Variants in ZFC3H1 observed in about 807,000 individuals in gnomAD.
ZFC3H1 encodes zinc finger C3H1-type containing.
Under a neutral mutation model 243.7 loss-of-function variants are expected in ZFC3H1, and 71 were observed. That is an observed-to-expected ratio of 0.29 (90% CI 0.24 to 0.36). The LOEUF is 0.36. ZFC3H1 is among the 10% of genes least tolerant of loss of function. The probability of loss-of-function intolerance (pLI) is 1.00; values close to 1 mark genes in which losing one functional copy is unlikely to be tolerated. For synonymous variants in ZFC3H1, 838 were observed against 813.0 expected (o/e 1.03, Z -0.52); for missense variants, 1,966 against 2,317.1 (o/e 0.85, Z 3.11).
chr12:71,621,770 T>C (rs890717919), intron 24 of ZFC3H1, among the ~76,000 whole-genome samples: 5 of 152,100 alleles, frequency 3.3e-5, no homozygotes, highest in African/African-American at 1.2e-4. Context: ...AATCTTTGTT[T>C]ACTCCTCCTC....
intron 21 of ZFC3H1, among the ~76,000 whole-genome samples, 178 bp from the exon 22 acceptor site, chr12:71,626,624 TTC>T (rs1206393443): frequency 1.3e-5 from 2 of 152,220 alleles, no homozygotes; most frequent in Non-Finnish European, 2.9e-5. Context: ...GCCTAAAAGT[TTC>T]TGATTTTCCA....
chr12:71,645,341 G>A (rs931619247), intron 3 of ZFC3H1, among the ~76,000 whole-genome samples: 2 of 152,100 alleles, frequency 1.3e-5, no homozygotes, highest in Non-Finnish European at 2.9e-5. Flanking sequence ...GATAGAACAC[G>A]ATAATGCAAA....
intron 2 of ZFC3H1, among the ~76,000 whole-genome samples, chr12:71,652,799 C>G (rs1179454092): frequency 6.6e-6 from 1 of 152,014 alleles, no homozygotes; most frequent in Admixed American, 6.6e-5. Flanking sequence ...ATGTGCAACC[C>G]AAAATAATCA....
chr12:71,632,058 G>T lies in ZFC3H1; in HGVS notation c.3274C>A (p.Gln1092Lys). The T allele has an allele frequency of 6.2e-7, 1 of 1,608,920 alleles. No individual in the cohort carries two copies. Among genetic ancestry groups the T allele is most frequent in the Non-Finnish European group, 8.5e-7 (1 of 1,178,652 alleles). Reference protein sequence around the residue: ...LFLGLKIGELQKLYSKADSLK... With the variant: ...LFLGLKIGELKKLYSKADSLK... ...CTGTCAGCTTTTGAATACAATTTTT[G>T]CAATTCACCAATTTTTAACCCTAGA... Residue 1092 changes from glutamine to lysine, a missense_variant, in exon 15 of 35, where the codon CAA becomes AAA. Transcript: ENST00000378743.
At chr12:71,655,720 G>GA (rs1880999653) in intron 2 of ZFC3H1, among the ~76,000 whole-genome samples, 1 of 151,988 alleles carries the variant, frequency 6.6e-6, no homozygotes, top group Non-Finnish European at 1.5e-5. Context: ...AAGTATCTCA[G>GA]AATGTTTCCA....
chr12:71,659,956 A>C (rs1168559816), intron 1 of ZFC3H1, among the ~76,000 whole-genome samples: 1 of 152,352 alleles, frequency 6.6e-6, no homozygotes, highest in East Asian at 1.9e-4. Flanking sequence ...GTACTGACAA[A>C]GTGTCTATCA....
At chr12:71,632,618 A>C (rs925360479) in intron 14 of ZFC3H1, 104 bp from the exon 15 acceptor site, 1 of 1,357,604 alleles carries the variant, frequency 7.4e-7, no homozygotes, top group South Asian at 1.5e-5. Context: ...CAACATTATA[A>C]AACTAAATCA....
chr12:71,633,466 T>C, intron 12 of ZFC3H1, 28 bp from the exon 13 acceptor site: 2 of 1,510,388 alleles, frequency 1.3e-6, no homozygotes, highest in South Asian at 1.3e-5. Flanking sequence ...AAATTCTTGT[T>C]AATGTTTCCC....
At chr12:71,643,632 G>C (rs2137547503) in intron 5 of ZFC3H1, among the ~76,000 whole-genome samples, 1 of 152,156 alleles carries the variant, frequency 6.6e-6, no homozygotes, top group African/African-American at 2.4e-5. Context: ...TATATACATA[G>C]TAAATGTTCA....
intron 26 of ZFC3H1, 78 bp downstream of exon 26, chr12:71,619,848 G>T: frequency 7.3e-7 from 1 of 1,360,568 alleles, no homozygotes; most frequent in Non-Finnish European, 1.0e-6. Flanking sequence ...AAAGGACCAG[G>T]AAACACTTCC....
At chr12:71,642,306 T>C in intron 6 of ZFC3H1, 130 bp downstream of exon 6, 3 of 989,246 alleles carry the variant, frequency 3.0e-6, no homozygotes, top group Non-Finnish European at 2.8e-6. Flanking sequence ...ACAAATAATG[T>C]CTATCGCCAT....
chr12:71,641,019 G>GA (rs1489986916), intron 6 of ZFC3H1, among the ~76,000 whole-genome samples: 1 of 151,528 alleles, frequency 6.6e-6, no homozygotes, highest in Non-Finnish European at 1.5e-5. Context: ...ATCTTGAATG[G>GA]AAAAAAATAC....
intron 1 of ZFC3H1, among the ~76,000 whole-genome samples, chr12:71,662,277 C>A (rs532765108): frequency 6.6e-6 from 1 of 152,314 alleles, no homozygotes; most frequent in African/African-American, 2.4e-5. Context: ...TCTCCACCCT[C>A]GCATACACAT....
chr12:71,627,672 G>T (rs1315017749), intron 21 of ZFC3H1, 79 bp downstream of exon 21: 2 of 1,372,626 alleles, frequency 1.5e-6, no homozygotes, highest in Non-Finnish European at 2.0e-6. Flanking sequence ...AAACCTGACT[G>T]ATTACCATAG....
rs1462083280 is a variant in ZFC3H1, at chr12:71,619,276, T to C, written c.5144+39A>G. 2.5e-6 allele frequency: 4 copies of C among 1,575,968 alleles called. No homozygotes were observed. In the South Asian group the frequency reaches 3.4e-5, roughly 13 times the overall value. ...GTAATCTTTCTACTGAACTGTGCTC[T>C]CTCTCATTCCTCTACAAACTAAGAA... On this transcript the variant is annotated intron_variant, in intron 27 of 34. Coordinates refer to ENST00000378743, the MANE Select transcript of ZFC3H1 (RefSeq NM_144982.5).
Position 71,663,695 on chromosome 12 carries a change from G to C in ZFC3H1, c.-85C>G. On this transcript the variant is annotated 5_prime_UTR_variant, in exon 1 of 35. Transcript: ENST00000378743. ...TGCCTCGTTTCCCTTCTTTCCTAACGGACTGGGTCGGTGCGGTCTTACCCT... is the reference window on the plus strand; with the variant it reads ...TGCCTCGTTTCCCTTCTTTCCTAACCGACTGGGTCGGTGCGGTCTTACCCT... 6.7e-7 allele frequency: 1 copy of C among 1,482,128 alleles called. No homozygotes were observed. The highest frequency in any genetic ancestry group is 9.1e-7 in the Non-Finnish European group (1 of 1,095,646). The allele number at this position is 1,482,128 out of a possible 1,614,324, so 91.8% of individuals were successfully genotyped here. A position where few individuals can be genotyped will look rare whatever the true frequency, so the allele number is the denominator to read the frequency against.
intron 6 of ZFC3H1, among the ~76,000 whole-genome samples, chr12:71,640,210 C>T (rs547093300): frequency 9.2e-5 from 14 of 152,214 alleles, no homozygotes; most frequent in South Asian, 2.1e-4. Context: ...TTAGTAGAGG[C>T]GAGGTTTCAC....
In ZFC3H1 at chr12:71,657,086, T is replaced by G; in HGVS notation, c.814A>C (p.Thr272Pro). ...KTLNFEDQTSTDNVSITKDSS... is the reference protein window; with the variant it reads ...KTLNFEDQTSPDNVSITKDSS... ...TCCTTTGTAATACTGACATTATCAG[T>G]GCTAGTTTGGTCCTCGAAGTTCAAT... The change falls in exon 2 of 35, where the codon ACT becomes CCT. Residue 272 changes from threonine to proline, a missense_variant. By Grantham distance (38) the Thr-to-Pro change is conservative. This residue lies in a region of ZFC3H1 where 484 missense variants were observed against 449.7 expected (regional missense o/e 1.08). Transcript: ENST00000378743. 1 of 1,613,998 alleles carries G rather than the reference T, an allele frequency of 6.2e-7. No individual in the cohort carries two copies.
intron 2 of ZFC3H1, among the ~76,000 whole-genome samples, chr12:71,648,450 C>T (rs1037119938): frequency 2.6e-5 from 4 of 152,184 alleles, no homozygotes; most frequent in Admixed American, 6.5e-5. Context: ...AGAATATCTA[C>T]AATCCTGTTG....
Sources: allele counts gnomAD v4.1 joint callset (sites outside exome capture counted in the v4.1 genomes callset), GRCh38; gene constraint gnomAD v4.1.1; regional missense constraint gnomAD v4.1.1; transcripts MANE v1.5; gene names NCBI Gene and HGNC (gene_info 2026-07-23, HGNC 2026-07-21).